SEZ6L: variants seen among roughly 807,000 people sequenced by gnomAD.
The protein encoded by SEZ6L is seizure related 6 homolog like, also known as seizure 6-like protein.
Under a neutral mutation model 106.2 loss-of-function variants are expected in SEZ6L, and 37 were observed. The observed-to-expected ratio is 0.35, with a 90% CI of 0.27 to 0.46. The LOEUF (loss-of-function observed/expected upper bound fraction) is 0.46. SEZ6L is among the 20% of genes least tolerant of loss of function. The pLI is 1.00. For missense variants in SEZ6L, 1,172 were observed against 1,332.8 expected, an observed-to-expected ratio of 0.88 and a Z score of 1.88; for synonymous variants, 541 against 570.4, an observed-to-expected ratio of 0.95 and a Z score of 0.73.
rs374563806 is a variant in SEZ6L, at chr22:26,274,398, A to G, written c.95-18008A>G. On this transcript the variant is annotated intron_variant, in intron 1 of 16. Coordinates refer to ENST00000248933, the MANE Select transcript of SEZ6L (RefSeq NM_021115.5). ...TAGGACCATGAATATAGGACCTGAC[A>G]TGTAACAAGCACTTATCACCATTGG... 2.6e-5 allele frequency among the ~76,000 whole-genome samples: 4 copies of G among 152,002 alleles called. No individual in the cohort carries two copies. The East Asian group carries it at 5.8e-4, about 22-fold the overall frequency.
At chr22:26,351,018 T>C in intron 11 of SEZ6L, 34 bp from the exon 12 acceptor site, 1 of 1,575,278 alleles carries the variant, frequency 6.3e-7, no homozygotes, top group Non-Finnish European at 8.7e-7. Flanking sequence ...TCCAGAGGTC[T>C]GACGTCCTCT....
chr22:26,208,984 T>C (rs1602037976), intron 1 of SEZ6L, among the ~76,000 whole-genome samples: 3 of 152,150 alleles, frequency 2.0e-5, no homozygotes, highest in Non-Finnish European at 4.4e-5. Flanking sequence ...GATTGAATAA[T>C]TTCTGTTGAC....
At chr22:26,227,588 T>TA (rs1362028078) in intron 1 of SEZ6L, among the ~76,000 whole-genome samples, 3 of 151,344 alleles carry the variant, frequency 2.0e-5, no homozygotes, top group Admixed American at 6.6e-5. Flanking sequence ...TTTTAATTTT[T>TA]TTTTTTTTTT....
intron 13 of SEZ6L, among the ~76,000 whole-genome samples, chr22:26,368,777 T>G (rs2083904472): frequency 6.6e-6 from 1 of 152,010 alleles, no homozygotes; most frequent in South Asian, 2.1e-4. Flanking sequence ...GAATCACCTC[T>G]GTTAAGTCTT....
intron 1 of SEZ6L, among the ~76,000 whole-genome samples, chr22:26,222,054 CG>C (rs780780118): frequency 7.2e-5 from 11 of 152,142 alleles, no homozygotes; most frequent in Non-Finnish European, 1.5e-4. Context: ...AACATGGGCC[CG>C]GTACTCCCTC....
intron 9 of SEZ6L, among the ~76,000 whole-genome samples, chr22:26,325,367 A>G (rs560325817): frequency 2.6e-4 from 40 of 152,190 alleles, no homozygotes; most frequent in Non-Finnish European, 4.9e-4. Context: ...AAATGATATT[A>G]CTGTGTACAA....
At chr22:26,328,877 G>A (rs1319361583) in intron 9 of SEZ6L, among the ~76,000 whole-genome samples, 2 of 152,154 alleles carry the variant, frequency 1.3e-5, no homozygotes, top group African/African-American at 4.8e-5. Context: ...CAAACTCCAG[G>A]TCTGTGGCTC....
intron 1 of SEZ6L, among the ~76,000 whole-genome samples, chr22:26,181,153 A>G (rs1281281157): frequency 6.6e-6 from 1 of 152,220 alleles, no homozygotes; most frequent in African/African-American, 2.4e-5. Context: ...AGAGGGAGCT[A>G]TTTATACTGC....
At chr22:26,324,102 AAAC>A (rs2082237173) in intron 9 of SEZ6L, among the ~76,000 whole-genome samples, 2 of 141,032 alleles carry the variant, frequency 1.4e-5, no homozygotes, top group Non-Finnish European at 3.2e-5. Flanking sequence ...ACACACACAC[AAAC>A]ACACACACAC....
chr22:26,227,708 C>T (rs956304859), intron 1 of SEZ6L, among the ~76,000 whole-genome samples: 1 of 152,100 alleles, frequency 6.6e-6, no homozygotes, highest in South Asian at 2.1e-4. Flanking sequence ...CAGAAGCCAC[C>T]ACACCCACCC....
chr22:26,222,939 T>C (rs1247340110), intron 1 of SEZ6L, among the ~76,000 whole-genome samples: 1 of 151,548 alleles, frequency 6.6e-6, no homozygotes, highest in Non-Finnish European at 1.5e-5. Context: ...CTGTGTAGAG[T>C]CCAGAGAGGC....
Position 26,214,798 on chromosome 22 carries a change from G to C in SEZ6L, c.94+45035G>C, listed in dbSNP as rs185805505. Among the ~76,000 whole-genome samples the C allele has an allele frequency of 6.6e-5, 10 of 152,306 alleles. No homozygotes were observed. The East Asian group carries it at 1.7e-3, about 26-fold the overall frequency. ...AAAAAAGTAGAAAACACAGAATTAT[G>C]ACTTGGGGAATAGACAGAGTTTGCG... On this transcript the variant is annotated intron_variant, in intron 1 of 16. Transcript: ENST00000248933.
intron 9 of SEZ6L, among the ~76,000 whole-genome samples, chr22:26,327,835 C>G (rs1157057462): frequency 6.6e-6 from 1 of 152,194 alleles, no homozygotes; most frequent in Non-Finnish European, 1.5e-5. Context: ...TGTAGAAGGC[C>G]CTGGGTTCCA....
chr22:26,273,477 G>A (rs887331314), intron 1 of SEZ6L, among the ~76,000 whole-genome samples: 15 of 152,276 alleles, frequency 9.9e-5, no homozygotes, highest in African/African-American at 3.6e-4. Context: ...CTCGGCCTCA[G>A]GCCCACACAC....
At chr22:26,365,274 C>A in intron 12 of SEZ6L, 98 bp from the exon 13 acceptor site, 1 of 989,388 alleles carries the variant, frequency 1.0e-6, no homozygotes, top group Non-Finnish European at 1.5e-6. Flanking sequence ...AGAGAGGATG[C>A]TGGAGAGGCT....
Position 26,352,343 on chromosome 22 carries a change from A to T in SEZ6L, c.2599+1100A>T, listed in dbSNP as rs377574581. Among the ~76,000 whole-genome samples, 5 of 152,154 alleles carry T rather than the reference A, an allele frequency of 3.3e-5. No individual in the cohort carries two copies. In the East Asian group the frequency reaches 9.7e-4, roughly 29 times the overall value. ...ATTTTAAATTAGTGTGTTATGAACA[A>T]CTCCATTAGGAATACAGCCAGTTCA... is the stretch of plus-strand genomic sequence containing the variant. On this transcript the variant is annotated intron_variant, in intron 12 of 16. Transcript: ENST00000248933.
chr22:26,213,717 C>T (rs1354953494), intron 1 of SEZ6L, among the ~76,000 whole-genome samples: 1 of 152,120 alleles, frequency 6.6e-6, no homozygotes, highest in Non-Finnish European at 1.5e-5. Flanking sequence ...TGGCTTGAGA[C>T]CAGGAATTTG....
chr22:26,302,331 C>T (rs2081481805), intron 5 of SEZ6L, among the ~76,000 whole-genome samples: 1 of 152,210 alleles, frequency 6.6e-6, no homozygotes, highest in African/African-American at 2.4e-5. Context: ...CCTGGAGAAG[C>T]ACTGGTTTGT....
In SEZ6L at chr22:26,197,154, T is replaced by G. The variant is rs866815328; in HGVS notation, c.94+27391T>G. Among the ~76,000 whole-genome samples the G allele has an allele frequency of 2.3e-4, 25 of 110,598 alleles. No individual in the cohort carries two copies. In the South Asian group the frequency reaches 4.2e-3, roughly 18 times the overall value. 72.6% of individuals were successfully genotyped at this position (110,598 alleles called of 152,430 possible). A position where few individuals can be genotyped will look rare whatever the true frequency, so the allele number is the denominator to read the frequency against. On this transcript the variant is annotated intron_variant, in intron 1 of 16. Coordinates refer to ENST00000248933, the MANE Select transcript of SEZ6L (RefSeq NM_021115.5). ...CACTCACCACAATCAGAATTATTTGTTTTTTTTTTCTTGTTATTTATTTCT... is the reference window on the plus strand; with the variant it reads ...CACTCACCACAATCAGAATTATTTGGTTTTTTTTTCTTGTTATTTATTTCT...
Sources: allele counts gnomAD v4.1 joint callset (sites outside exome capture counted in the v4.1 genomes callset), GRCh38; gene constraint gnomAD v4.1.1; transcripts MANE v1.5; gene names NCBI Gene and HGNC (gene_info 2026-07-23, HGNC 2026-07-21).